The following DAG1 variants were observed in gnomAD, a reference collection of about 807,000 sequenced individuals.
DAG1 encodes the protein dystroglycan 1.
A neutral mutation model predicts 46.1 loss-of-function variants in DAG1; 8 were observed. The ratio of observed to expected loss-of-function variants is 0.17; its 90% CI spans 0.10 to 0.31. DAG1 has a LOEUF of 0.31. Among genes scored for constraint, DAG1 ranks in the 10% least tolerant of loss-of-function variants. The pLI, the probability that DAG1 is intolerant of heterozygous loss-of-function variation, is 1.00. For synonymous variants in DAG1, 495 were observed against 481.8 expected, an observed-to-expected ratio of 1.03 and a Z score of -0.36; for missense variants, 1,003 against 1,189.9, an observed-to-expected ratio of 0.84 and a Z score of 2.31.
intron 2 of DAG1, among the ~76,000 whole-genome samples, chr3:49,527,177 G>A (rs530536622): frequency 6.7e-6 from 1 of 148,616 alleles, no homozygotes; most frequent in African/African-American, 2.5e-5. Context: ...AGATCACGAG[G>A]TCGGGAGATT....
At chr3:49,472,446 G>GAGGGACCACTT (rs1039384698) in intron 1 of DAG1, among the ~76,000 whole-genome samples, 1 of 152,086 alleles carries the variant, frequency 6.6e-6, no homozygotes, top group African/African-American at 2.4e-5. Context: ...GTGGGATTTG[G>GAGGGACCACTT]AGGGACCACT....
chr3:49,471,789 A>G (rs780788896), intron 1 of DAG1, among the ~76,000 whole-genome samples: 2 of 152,198 alleles, frequency 1.3e-5, no homozygotes, highest in Non-Finnish European at 2.9e-5. Context: ...TCTGTGGTAG[A>G]TCCTAGGGAC....
At chr3:49,473,439 CA>C (rs1018663044) in intron 1 of DAG1, among the ~76,000 whole-genome samples, 1 of 151,512 alleles carries the variant, frequency 6.6e-6, no homozygotes, top group Admixed American at 6.6e-5. Context: ...AAAAAAAACA[CA>C]AAAAAAACAC....
intron 1 of DAG1, among the ~76,000 whole-genome samples, chr3:49,504,963 GTCT>G (rs58407604): frequency 7.5e-5 from 9 of 119,794 alleles, no homozygotes; most frequent in Admixed American, 4.7e-4. Flanking sequence ...CACCATTACA[GTCT>G]TCTTCTTTTT....
chr3:49,482,942 G>A (rs545866782), intron 1 of DAG1, among the ~76,000 whole-genome samples: 19 of 152,232 alleles, frequency 1.2e-4, no homozygotes, highest in Middle Eastern at 3.4e-3. Context: ...TTCTGCCTTG[G>A]TTGTCATAAA....
chr3:49,496,550 C>A (rs1055395343), intron 1 of DAG1, among the ~76,000 whole-genome samples: 1 of 151,550 alleles, frequency 6.6e-6, no homozygotes, highest in African/African-American at 2.4e-5. Flanking sequence ...TTAGTAGAGA[C>A]AGGGTTTCAC....
chr3:49,496,473 T>C (rs2050313409), intron 1 of DAG1, among the ~76,000 whole-genome samples: 1 of 151,540 alleles, frequency 6.6e-6, no homozygotes, highest in Admixed American at 6.6e-5. Context: ...TTCTGCTGCC[T>C]TAGCCTCCTG....
At chr3:49,512,248 G>T (rs1364131732) in intron 2 of DAG1, among the ~76,000 whole-genome samples, 1 of 151,922 alleles carries the variant, frequency 6.6e-6, no homozygotes, top group African/African-American at 2.4e-5. Context: ...TGTCGCCCAG[G>T]CTGGAGTGCA....
intron 1 of DAG1, among the ~76,000 whole-genome samples, chr3:49,508,392 G>A (rs763768805): frequency 1.8e-4 from 28 of 151,392 alleles, no homozygotes; most frequent in Non-Finnish European, 3.4e-4. Flanking sequence ...ATTTGTTTGT[G>A]TATATGTATG....
In DAG1 at chr3:49,532,121, C is replaced by T; in HGVS notation, c.1610C>T (p.Thr537Ile). 6.2e-7 allele frequency: 1 copy of T among 1,614,222 alleles called. No individual in the cohort carries two copies. The highest frequency in any genetic ancestry group is 8.5e-7 in the Non-Finnish European group (1 of 1,180,040). Residue 537 changes from threonine (T) to isoleucine (I), a missense_variant, in exon 3 of 3, where the codon ACC becomes ATC. By Grantham distance (89) the Thr-to-Ile change is moderately conservative. Transcript: ENST00000308775. This position sits in a 1 kb window ranked among gnomAD's most constrained non-coding sequence, Gnocchi z 5.4. ...EDTTTDKLKL[T>I]LKLREQQLVG... ...ACCACCACTGACAAGCTGAAGCTGA[C>T]CCTGAAACTGCGGGAGCAGCAGCTG... is the stretch of plus-strand genomic sequence containing the variant.
At chr3:49,472,337 G>A (rs1277607272) in intron 1 of DAG1, among the ~76,000 whole-genome samples, 2 of 152,038 alleles carry the variant, frequency 1.3e-5, no homozygotes, top group Non-Finnish European at 2.9e-5. Context: ...TGGAATGCAT[G>A]GGCCAGAAGA....
At chr3:49,486,909 A>T (rs2050049955) in intron 1 of DAG1, among the ~76,000 whole-genome samples, 1 of 151,856 alleles carries the variant, frequency 6.6e-6, no homozygotes, top group East Asian at 1.9e-4. Context: ...TTTGTTTTTG[A>T]GATTCAGTCT....
At position 49,505,756 on chromosome 3, in the gene DAG1, C is replaced by T. The variant is rs997542818; in HGVS notation, c.-116-4663C>T. Among the ~76,000 whole-genome samples, 4 of 152,134 alleles carry T rather than the reference C, an allele frequency of 2.6e-5. No homozygotes were observed. In the South Asian group the frequency reaches 8.3e-4, roughly 32 times the overall value. The stretch of plus-strand genomic sequence containing the variant: ...GCGCCATCTTGGCTCACCGCAACCT[C>T]CACCTCCCAGGTTCAAACAATTCTC... On this transcript the variant is annotated intron_variant, in intron 1 of 2. Coordinates refer to ENST00000308775, the MANE Select transcript of DAG1 (RefSeq NM_004393.6).
rs1334656238 is a variant in DAG1, at chr3:49,510,769, C to G, written c.235C>G (p.Arg79Gly). 1 of 1,614,144 alleles carries G rather than the reference C, an allele frequency of 6.2e-7. No homozygotes were observed. The highest frequency in any genetic ancestry group is 1.1e-5 in the South Asian group (1 of 91,078). The change falls in exon 2 of 3, where the codon CGA becomes GGA. Residue 79 changes from arginine to glycine, a missense_variant. This residue lies in a region of DAG1 where 196 missense variants were observed against 239.1 expected (regional missense o/e 0.82). Transcript: ENST00000308775. ...DGTAVVGRSF[R>G]VTIPTDLIAS... Reference sequence around the variant, plus strand: ...CACGGCTGTCGTCGGGCGCTCATTTCGAGTGACCATTCCAACAGATTTGAT... The same window carrying G: ...CACGGCTGTCGTCGGGCGCTCATTTGGAGTGACCATTCCAACAGATTTGAT...
At chr3:49,526,892 T>C (rs2051186986) in intron 2 of DAG1, among the ~76,000 whole-genome samples, 1 of 152,216 alleles carries the variant, frequency 6.6e-6, no homozygotes. Flanking sequence ...AATATTAACA[T>C]GTTTTTAAGT....
chr3:49,487,880 T>C (rs922771924), intron 1 of DAG1, among the ~76,000 whole-genome samples: 1 of 151,716 alleles, frequency 6.6e-6, no homozygotes, highest in African/African-American at 2.4e-5. Flanking sequence ...TTTTTTGTGT[T>C]TTTCATAGAG....
chr3:49,489,810 C>G (rs2050134641), intron 1 of DAG1, among the ~76,000 whole-genome samples: 1 of 151,930 alleles, frequency 6.6e-6, no homozygotes, highest in Non-Finnish European at 1.5e-5. Context: ...GGGCTTGGGA[C>G]CTGGTGGGGT....
At chr3:49,478,789 TGTC>T (rs1048276053) in intron 1 of DAG1, among the ~76,000 whole-genome samples, 3 of 140,302 alleles carry the variant, frequency 2.1e-5, no homozygotes, top group Non-Finnish European at 3.1e-5. Flanking sequence ...AAAAGTCTCT[TGTC>T]GTCCCCTCCC....
intron 1 of DAG1, among the ~76,000 whole-genome samples, chr3:49,489,224 C>T (rs915456732): frequency 5.9e-5 from 9 of 152,038 alleles, no homozygotes; most frequent in Non-Finnish European, 5.9e-5. Flanking sequence ...TCCCGAATAG[C>T]TGGGATTACA....
Sources: gnomAD v4.1 joint callset for allele counts (sites outside exome capture counted in the v4.1 genomes callset) on GRCh38, gnomAD v4.1.1 for gene constraint, gnomAD v4.1.1 regional missense constraint, Gnocchi (gnomAD v3.1) non-coding constraint, MANE v1.5 for transcripts, NCBI Gene and HGNC (gene_info 2026-07-23, HGNC 2026-07-21) for gene names.